The following SUPT3H variants were observed in gnomAD, a reference collection of about 807,000 sequenced individuals.
The protein encoded by SUPT3H is SPT3 homolog, SAGA and STAGA complex component.
In SUPT3H, 44 loss-of-function variants were observed where a neutral mutation model predicts 44.3. The ratio of observed to expected loss-of-function variants is 0.99; its 90% confidence interval spans 0.78 to 1.28. SUPT3H has a LOEUF of 1.28. Among genes scored for constraint, SUPT3H ranks in the 50% most tolerant of loss-of-function variants. SUPT3H has a pLI of 0.00. For missense variants in SUPT3H, 380 were observed against 387.1 expected, an observed-to-expected ratio of 0.98 and a Z score of 0.15; for synonymous variants, 124 against 125.6, an observed-to-expected ratio of 0.99 and a Z score of 0.09.
At chr6:45,327,856 A>T (rs576227424) in intron 2 of SUPT3H, among the ~76,000 whole-genome samples, 15 of 151,946 alleles carry the variant, frequency 9.9e-5, no homozygotes, top group Non-Finnish European at 1.9e-4. Flanking sequence ...CAGTCCAAAG[A>T]TGTGAATTAT....
At position 44,817,681 on chromosome 6, in the gene SUPT3H, T is replaced by C. The variant is rs536532869; in HGVS notation, c.*53-8180A>G. Reference sequence around the variant, plus strand: ...TACAAAAATCAATTTTATTTCTCTGTGAAATAAAATGAATAATGAATAATT... The same window carrying C: ...TACAAAAATCAATTTTATTTCTCTGCGAAATAAAATGAATAATGAATAATT... On this transcript the variant is annotated intron_variant and NMD_transcript_variant, in intron 11 of 11. Coordinates refer to the SUPT3H transcript ENST00000475057. Among the ~76,000 whole-genome samples, 27 of 152,124 alleles carry C rather than the reference T, an allele frequency of 1.8e-4. No individual in the cohort carries two copies. The East Asian group carries it at 5.0e-3, about 28-fold the overall frequency.
intron 2 of SUPT3H, among the ~76,000 whole-genome samples, chr6:45,206,779 G>A (rs767859686): frequency 1.3e-5 from 2 of 152,062 alleles, no homozygotes; most frequent in Non-Finnish European, 2.9e-5. Flanking sequence ...TTGACCTGCT[G>A]GAAGTAAAGA....
chr6:45,110,432 G>GTA (rs2153573647), intron 2 of SUPT3H, among the ~76,000 whole-genome samples: 1 of 152,228 alleles, frequency 6.6e-6, no homozygotes, highest in Admixed American at 6.5e-5. Context: ...TTTGCGCTAT[G>GTA]TATAGCCCAA....
chr6:44,962,628 A>G (rs1776190472), intron 6 of SUPT3H, among the ~76,000 whole-genome samples: 1 of 151,104 alleles, frequency 6.6e-6, no homozygotes, highest in Non-Finnish European at 1.5e-5. Flanking sequence ...TACCTTTACC[A>G]TCGTTGTCAG....
At chr6:45,288,392 A>C (rs996774687) in intron 2 of SUPT3H, among the ~76,000 whole-genome samples, 17 of 151,880 alleles carry the variant, frequency 1.1e-4, no homozygotes, top group Non-Finnish European at 1.6e-4. Flanking sequence ...CTTTAACACA[A>C]AAAAATCACA....
chr6:45,104,050 A>C (rs1394962705), intron 3 of SUPT3H, among the ~76,000 whole-genome samples: 2 of 152,072 alleles, frequency 1.3e-5, no homozygotes, highest in Non-Finnish European at 2.9e-5. Context: ...CTTCATCATT[A>C]GCACAGCTGT....
At chr6:45,283,966 C>G (rs140151590) in intron 2 of SUPT3H, among the ~76,000 whole-genome samples, 4 of 152,066 alleles carry the variant, frequency 2.6e-5, no homozygotes, top group Non-Finnish European at 4.4e-5. Flanking sequence ...GTAAACGGAA[C>G]AACCTGCTCC....
At chr6:44,982,895 C>T (rs905594181) in intron 6 of SUPT3H, among the ~76,000 whole-genome samples, 16 of 152,048 alleles carry the variant, frequency 1.1e-4, no homozygotes, top group African/African-American at 2.9e-4. Flanking sequence ...TAGAGATGCT[C>T]GTATAGTGAA....
intron 10 of SUPT3H, among the ~76,000 whole-genome samples, chr6:44,921,229 T>C (rs141713897): frequency 1.6e-3 from 248 of 152,344 alleles, no homozygotes; most frequent in African/African-American, 5.7e-3. Context: ...AATGGTCACA[T>C]GTAGTTCAGT....
chr6:45,193,148 T>C (rs1018874026), intron 2 of SUPT3H, among the ~76,000 whole-genome samples: 3 of 152,088 alleles, frequency 2.0e-5, no homozygotes, highest in Non-Finnish European at 2.9e-5. Context: ...TTAGAGTGTA[T>C]GTATGTAAAG....
chr6:44,965,269 A>G lies in SUPT3H; in HGVS notation c.505-3441T>C, dbSNP rs75852718. On this transcript the variant is annotated intron_variant, in intron 6 of 10. Transcript: ENST00000371459. ...ATTCCATTCACTCTCTGGATGCTGA[A>G]CGAAGCTGAGGCAGCAGAACCCCTA... 7.7e-3 allele frequency among the ~76,000 whole-genome samples: 1,169 copies of G among 152,294 alleles called. 22 individuals are homozygous for G. The highest frequency in any genetic ancestry group is 0.027 in the African/African-American group (1,102 of 41,568).
chr6:45,152,853 A>C (rs1481183857), intron 2 of SUPT3H, among the ~76,000 whole-genome samples: 1 of 152,132 alleles, frequency 6.6e-6, no homozygotes, highest in Non-Finnish European at 1.5e-5. Flanking sequence ...TTAAGTAAAA[A>C]AATATATATA....
At chr6:44,954,387 C>T in intron 8 of SUPT3H, 108 bp downstream of exon 8, 2 of 836,370 alleles carry the variant, frequency 2.4e-6, no homozygotes, top group Non-Finnish European at 4.1e-6. Flanking sequence ...GGAGAGAATT[C>T]ATGGCTGTTA....
chr6:45,281,841 T>G (rs1289271639), intron 2 of SUPT3H, among the ~76,000 whole-genome samples: 1 of 152,044 alleles, frequency 6.6e-6, no homozygotes, highest in African/African-American at 2.4e-5. Flanking sequence ...CACCCCCCAG[T>G]AGGGGCAGAC....
At chr6:45,007,615 CCTTA>C (rs1782893095) in intron 5 of SUPT3H, among the ~76,000 whole-genome samples, 1 of 152,040 alleles carries the variant, frequency 6.6e-6, no homozygotes, top group South Asian at 2.1e-4. Flanking sequence ...CTATTGTTCT[CCTTA>C]CTTTTTAAAA....
chr6:45,351,581 A>G (rs1246839524), intron 2 of SUPT3H, among the ~76,000 whole-genome samples: 1 of 152,158 alleles, frequency 6.6e-6, no homozygotes, highest in African/African-American at 2.4e-5. Context: ...ATTTTCTGTT[A>G]CATTTTCTGT....
At chr6:45,024,199 T>G (rs569607840) in intron 3 of SUPT3H, among the ~76,000 whole-genome samples, 1 of 152,346 alleles carries the variant, frequency 6.6e-6, no homozygotes, top group South Asian at 2.1e-4. Flanking sequence ...GTTTACATTT[T>G]AAGTATGTTA....
chr6:45,332,196 T>A (rs572593954), intron 2 of SUPT3H, among the ~76,000 whole-genome samples: 201 of 151,966 alleles, frequency 1.3e-3, no homozygotes, highest in Non-Finnish European at 2.1e-3. Context: ...ACATTCTGTA[T>A]CACAACTTTT....
At chr6:45,158,199 T>C (rs1338410854) in intron 2 of SUPT3H, among the ~76,000 whole-genome samples, 1 of 101,658 alleles carries the variant, frequency 9.8e-6, no homozygotes, top group Non-Finnish European at 2.0e-5. Context: ...GTAGAAACCA[T>C]AGAGATAGAT....
Sources: allele counts gnomAD v4.1 joint callset (sites outside exome capture counted in the v4.1 genomes callset), GRCh38; gene constraint gnomAD v4.1.1; transcripts MANE v1.5; gene names NCBI Gene and HGNC (gene_info 2026-07-23, HGNC 2026-07-21).